The following ZNF862 variants were observed in gnomAD, a reference collection of about 807,000 sequenced individuals.
ZNF862 encodes the protein zinc finger protein 862.
Under a neutral mutation model 91.1 loss-of-function variants are expected in ZNF862, and 64 were observed. The ratio of observed to expected loss-of-function variants is 0.70; its 90% CI spans 0.57 to 0.87. The LOEUF is 0.87. Ranked by LOEUF, ZNF862 falls within the 40% of genes least tolerant of loss-of-function variation. The pLI is 0.00. For synonymous variants in ZNF862, 631 were observed against 618.1 expected (o/e 1.02, Z -0.31); for missense variants, 1,459 against 1,528.0 (o/e 0.95, Z 0.75).
Position 149,859,445 on chromosome 7 carries a change from T to C in ZNF862, c.1141T>C (p.Leu381=). 1.3e-6 allele frequency: 2 copies of C among 1,585,284 alleles called. No homozygotes were observed. Among genetic ancestry groups the C allele is most frequent in the South Asian group, 1.2e-5 (1 of 86,408 alleles). The change falls in exon 6 of 8, where the codon TTG becomes CTG. Residue 381 remains leucine, a synonymous_variant. Transcript: ENST00000223210. Reference sequence around the variant, plus strand: ...AGGACCTGCCGCTGCCAAGCCAGACTTGATCTCCAAACTGGAGCGGAGGGC... The same window carrying C: ...AGGACCTGCCGCTGCCAAGCCAGACCTGATCTCCAAACTGGAGCGGAGGGC... ...SLGPAAAKPD[L]ISKLERRAAP...
rs202224848 is a variant in ZNF862, at chr7:149,861,327, C to T, written c.2167C>T (p.His723Tyr). The stretch of plus-strand genomic sequence containing the variant: ...GGTCATCCCGCAGCTGCTGCCTGTC[C>T]ACTGCGTGGCCCACCGGCTGCACCT... ...QEVIPQLLPV[H>Y]CVAHRLHLAV... is the part of the protein sequence containing the mutation. Residue 723 changes from histidine (H) to tyrosine (Y), a missense_variant, in exon 7 of 8, where the codon CAC becomes TAC. By Grantham distance (83) the His-to-Tyr change is moderately conservative. Transcript: ENST00000223210. This position sits in a 1 kb window ranked among gnomAD's most constrained non-coding sequence, Gnocchi z 6.7. The T allele has an allele frequency of 1.3e-4, 216 of 1,612,924 alleles. 1 individual carries two copies. The highest frequency in any genetic ancestry group is 1.7e-4 in the Non-Finnish European group (203 of 1,179,904).
chr7:149,841,379 A>G (rs1801697955), intron 1 of ZNF862: 1 of 985,342 alleles, frequency 1.0e-6, no homozygotes, highest in Non-Finnish European at 1.2e-6. Context: ...AGAATAATGG[A>G]TAAGGGTCAG....
rs1802488358 is a variant in ZNF862 at position 149,861,344 on chromosome 7, G to A, written c.2184G>A (p.Arg728=). 6.2e-7 allele frequency: 1 copy of A among 1,613,088 alleles called. No homozygotes were observed. The highest frequency in any genetic ancestry group is 8.5e-7 in the Non-Finnish European group (1 of 1,179,896). Reference sequence around the variant, plus strand: ...TGCCTGTCCACTGCGTGGCCCACCGGCTGCACCTGGCTGTGGTGGACGCCT... The same window carrying A: ...TGCCTGTCCACTGCGTGGCCCACCGACTGCACCTGGCTGTGGTGGACGCCT... ...QLLPVHCVAH[R]LHLAVVDACG... is the part of the protein sequence containing the mutation. The change falls in exon 7 of 8, where the codon CGG becomes CGA. Residue 728 remains arginine, a synonymous_variant. Transcript: ENST00000223210. This position sits in a 1 kb window ranked among gnomAD's most constrained non-coding sequence, Gnocchi z 6.7.
chr7:149,845,277 T>C (rs1801832473), intron 2 of ZNF862, among the ~76,000 whole-genome samples: 1 of 152,252 alleles, frequency 6.6e-6, no homozygotes. Context: ...GAATGCTCTT[T>C]CCTTTGATTC....
intron 3 of ZNF862, among the ~76,000 whole-genome samples, chr7:149,847,511 C>T (rs1242996466): frequency 4.6e-5 from 7 of 151,814 alleles, no homozygotes; most frequent in Non-Finnish European, 8.8e-5. Context: ...GGGAGGGTTC[C>T]GTAAAGCCCA....
At chr7:149,849,558 C>G (rs146721196) in intron 4 of ZNF862, among the ~76,000 whole-genome samples, 1 of 152,220 alleles carries the variant, frequency 6.6e-6, no homozygotes, top group East Asian at 1.9e-4. Flanking sequence ...GGAGGTTCCT[C>G]CTAGAGCTGA....
At position 149,860,591 on chromosome 7, in the gene ZNF862, A is replaced by G. The variant is rs752448926; in HGVS notation, c.1431A>G (p.Val477=). 1.2e-6 allele frequency: 2 copies of G among 1,614,018 alleles called. No homozygotes were observed. The highest frequency in any genetic ancestry group is 1.1e-5 in the South Asian group (1 of 91,080). ...RSWFGQFPWL[V]IDPKETKLFC... is the part of the protein sequence containing the mutation. The stretch of plus-strand genomic sequence containing the variant: ...GGTTTGGGCAGTTCCCATGGTTAGT[A>G]ATTGACCCCAAAGAGACCAAACTCT... Residue 477 remains valine (V), a synonymous_variant, in exon 7 of 8, where the codon GTA becomes GTG. Transcript: ENST00000223210.
intron 5 of ZNF862, among the ~76,000 whole-genome samples, chr7:149,852,336 T>TG (rs1182530803): frequency 8.4e-5 from 9 of 106,614 alleles, no homozygotes; most frequent in Admixed American, 2.2e-4. Flanking sequence ...TGAACTCAGT[T>TG]TTGTGTGTGT....
intron 5 of ZNF862, among the ~76,000 whole-genome samples, chr7:149,854,553 A>G (rs1423845657): frequency 6.6e-6 from 1 of 152,106 alleles, no homozygotes; most frequent in Non-Finnish European, 1.5e-5. Flanking sequence ...CTGCAGACTC[A>G]TGTATTATCT....
rs1563128310 is a variant in ZNF862, at chr7:149,862,492, C to T, written c.3332C>T (p.Ala1111Val). The stretch of plus-strand genomic sequence containing the variant: ...GCCCAGGTGCCAGCCCGCTCCCCTG[C>T]AAGTAAGTACACGTGGCAGAGCTCC... ...TCAQVPARSP[A>V]SARLRKEEMG... is the part of the protein sequence containing the mutation. The change falls in exon 7 of 8, where the codon GCA becomes GTA. Residue 1111 changes from alanine (A) to valine (V), a missense_variant and splice_region_variant. Ala to Val is a moderately conservative substitution (Grantham distance 64, BLOSUM62 0). Transcript: ENST00000223210. 1 of 1,580,662 alleles carries T rather than the reference C, an allele frequency of 6.3e-7. No homozygotes were observed. The highest frequency in any genetic ancestry group is 1.1e-5 in the South Asian group (1 of 87,462).
At chr7:149,857,293 C>T (rs1802294769) in intron 5 of ZNF862, among the ~76,000 whole-genome samples, 1 of 151,926 alleles carries the variant, frequency 6.6e-6, no homozygotes, top group Non-Finnish European at 1.5e-5. Context: ...CTCTGGTTTT[C>T]TGTTTGTGTC....
chr7:149,862,373 C>T lies in ZNF862; in HGVS notation c.3213C>T (p.Asn1071=), dbSNP rs374767430. 5.1e-5 allele frequency: 82 copies of T among 1,612,970 alleles called. No individual in the cohort carries two copies. Among genetic ancestry groups the T allele is most frequent in the African/African-American group, 3.5e-4 (26 of 75,042 alleles). ...VLNMLMMTAV[N]GVAVTEYDPQ... ...ACATGCTCATGATGACAGCTGTGAACGGCGTGGCCGTCACGGAGTACGACC... is the reference window on the plus strand; with the variant it reads ...ACATGCTCATGATGACAGCTGTGAATGGCGTGGCCGTCACGGAGTACGACC... Residue 1071 remains asparagine, a synonymous_variant, in exon 7 of 8, where the codon AAC becomes AAT. Coordinates refer to ENST00000223210, the MANE Select transcript of ZNF862 (RefSeq NM_001099220.3).
At chr7:149,847,132 G>A (rs184670564) in intron 3 of ZNF862, among the ~76,000 whole-genome samples, 1 of 152,350 alleles carries the variant, frequency 6.6e-6, no homozygotes, top group East Asian at 1.9e-4. Flanking sequence ...GAAGAAAGAT[G>A]TGAGGTCATG....
In ZNF862 at chr7:149,864,341, C is replaced by T. The variant is rs1302887616; in HGVS notation, c.*57C>T. 6.6e-7 allele frequency: 1 copy of T among 1,509,358 alleles called. No individual in the cohort carries two copies. The highest frequency in any genetic ancestry group is 2.4e-5 in the East Asian group (1 of 41,030). 93.5% of individuals were successfully genotyped at this position (1,509,358 alleles called of 1,614,324 possible). On this transcript the variant is annotated 3_prime_UTR_variant, in exon 8 of 8. Coordinates refer to ENST00000223210, the MANE Select transcript of ZNF862 (RefSeq NM_001099220.3). Reference sequence around the variant, plus strand: ...ACGCCTCTGTGATCACTGGGACAGGCTCTGCAGATTCTAGGCTGCCCTAGG... The same window carrying T: ...ACGCCTCTGTGATCACTGGGACAGGTTCTGCAGATTCTAGGCTGCCCTAGG...
Position 149,860,409 on chromosome 7 carries a change from G to C in ZNF862, c.1249G>C (p.Glu417Gln). The change falls in exon 7 of 8, where the codon GAG (glutamate) becomes CAG (glutamine). Residue 417 changes from glutamate (E) to glutamine (Q), a missense_variant. Transcript: ENST00000223210. ...PGNKKMVAVR[E>Q]ADTQASAADS... ...GAACAAGAAGATGGTGGCAGTGAGA[G>C]AGGCAGACACACAGGCCTCGGCTGC... is the stretch of plus-strand genomic sequence containing the variant. 2 of 1,612,036 alleles carry C rather than the reference G, an allele frequency of 1.2e-6. No homozygotes were observed. Among genetic ancestry groups the C allele is most frequent in the Non-Finnish European group, 1.7e-6 (2 of 1,178,954 alleles).
rs745658591 is a variant in ZNF862, at chr7:149,844,659, T to TA, written c.60dup (p.Leu21ThrfsTer33). 65 of 1,606,052 alleles carry TA rather than the reference T, an allele frequency of 4.0e-5. No homozygotes were observed. In the African/African-American group the frequency reaches 8.1e-4, roughly 20 times the overall value. ...ACGTTTGATGACATCACTGTGTACT[T>TA]ACTCCAGGAGGAATGGGTGCTGCTG... On this transcript the variant is annotated frameshift_variant, in exon 2 of 8. Coordinates refer to ENST00000223210, the MANE Select transcript of ZNF862 (RefSeq NM_001099220.3). LOFTEE classifies it high-confidence loss of function.
At chr7:149,842,147 T>A (rs1563115274) in intron 1 of ZNF862, among the ~76,000 whole-genome samples, 1 of 152,114 alleles carries the variant, frequency 6.6e-6, no homozygotes, top group East Asian at 1.9e-4. Flanking sequence ...ATCGCGACTT[T>A]ATGGGTGGGT....
At position 149,838,576 on chromosome 7, in the gene ZNF862, G is replaced by T. The variant is rs765870386; in HGVS notation, c.-36G>T. On this transcript the variant is annotated 5_prime_UTR_variant, in exon 1 of 8. Transcript: ENST00000223210. ...GCTGCATCCTCAGGCCAGGCCGCGG[G>T]GGGAGGGGGCGGCACGGGCCTCCGA... The T allele has an allele frequency of 5.0e-6, 6 of 1,210,392 alleles. No homozygotes were observed. Among genetic ancestry groups the T allele is most frequent in the South Asian group, 4.2e-5 (1 of 23,828 alleles). The allele number at this position is 1,210,392 out of a possible 1,614,324, so 75.0% of individuals were successfully genotyped here. A position where few individuals can be genotyped will look rare whatever the true frequency, so the allele number is the denominator to read the frequency against.
chr7:149,860,248 C>T (rs1802414998), intron 6 of ZNF862, 135 bp from the exon 7 acceptor site: 1 of 789,160 alleles, frequency 1.3e-6, no homozygotes, highest in Non-Finnish European at 2.0e-6. Context: ...ACGCCACTTT[C>T]TCTAGAAAGA....
Sources: gnomAD v4.1 joint callset for allele counts (sites outside exome capture counted in the v4.1 genomes callset) on GRCh38, gnomAD v4.1.1 for gene constraint, Gnocchi (gnomAD v3.1) non-coding constraint, MANE v1.5 for transcripts, NCBI Gene and HGNC (gene_info 2026-07-23, HGNC 2026-07-21) for gene names.